The following RBFOX3 variants were observed in gnomAD, a reference collection of about 807,000 sequenced individuals.
The protein encoded by RBFOX3 is RNA binding protein fox-1 homolog 3.
A neutral mutation model predicts 48.7 loss-of-function variants in RBFOX3; 17 were observed. The ratio of observed to expected loss-of-function variants is 0.35; its 90% CI spans 0.24 to 0.52. RBFOX3 has a LOEUF of 0.52. Ranked by LOEUF, RBFOX3 falls within the 20% of genes least tolerant of loss-of-function variation. RBFOX3 has a pLI of 0.94. For synonymous variants in RBFOX3, 212 were observed against 209.5 expected (o/e 1.01, Z -0.10); for missense variants, 382 against 497.5 (o/e 0.77, Z 2.21).
intron 2 of RBFOX3, among the ~76,000 whole-genome samples, chr17:79,374,690 G>T (rs140049883): frequency 6.6e-4 from 101 of 152,344 alleles, no homozygotes; most frequent in African/African-American, 2.4e-3. Context: ...GTTTTCACAC[G>T]TGTAGGTGTG....
At chr17:79,259,383 G>A (rs186749185) in intron 3 of RBFOX3, among the ~76,000 whole-genome samples, 1,859 of 152,324 alleles carry the variant, frequency 0.012, 19 homozygotes, top group Non-Finnish European at 0.019. Flanking sequence ...CTGCCCTTCC[G>A]TGGTGAGGGC....
intron 4 of RBFOX3, among the ~76,000 whole-genome samples, chr17:79,133,867 T>A (rs1484106954): frequency 6.6e-6 from 1 of 152,182 alleles, no homozygotes; most frequent in Non-Finnish European, 1.5e-5. Flanking sequence ...GCGCTGGCTG[T>A]GAATATCGGA....
the RBFOX3 span, among the ~76,000 whole-genome samples, chr17:79,645,534 C>T: frequency 6.6e-6 from 1 of 152,182 alleles, no homozygotes; most frequent in Non-Finnish European, 1.5e-5. Context: ...GACCTCATAC[C>T]TTCCAGCTGC....
intron 1 of RBFOX3, among the ~76,000 whole-genome samples, chr17:79,584,073 G>A (rs1450695746): frequency 6.6e-6 from 1 of 152,150 alleles, no homozygotes; most frequent in African/African-American, 2.4e-5. Flanking sequence ...CAAAAGGCCT[G>A]GGGCTAAGGA....
rs1441964655 is a variant in RBFOX3 at position 79,363,585 on chromosome 17, G to T, written c.-174-55761C>A. Among the ~76,000 whole-genome samples, 3 of 151,910 alleles carry T rather than the reference G, an allele frequency of 2.0e-5. No individual in the cohort carries two copies. The highest frequency in any genetic ancestry group is 7.3e-5 in the African/African-American group (3 of 41,290). The stretch of plus-strand genomic sequence containing the variant: ...TGTTCCTGCCCAGCTTCCCTGGGGG[G>T]TCTCCGCGAGCAACATACCTCTTAC... On this transcript the variant is annotated intron_variant, in intron 2 of 14. Coordinates refer to ENST00000693108, the MANE Select transcript of RBFOX3 (RefSeq NM_001350451.2). This position sits in a 1 kb window ranked among gnomAD's most constrained non-coding sequence, Gnocchi z 4.7.
intron 4 of RBFOX3, among the ~76,000 whole-genome samples, chr17:79,201,156 T>G (rs2703530): frequency 0.063 from 9,434 of 150,814 alleles, 328 homozygotes; most frequent in Non-Finnish European, 0.076. Context: ...GATGGAGCTG[T>G]AACCAGATCC....
At chr17:79,620,137 ACG>A in the RBFOX3 span, among the ~76,000 whole-genome samples, 7 of 143,000 alleles carry the variant, frequency 4.9e-5, no homozygotes, top group East Asian at 4.1e-4. Flanking sequence ...ACACATGCAC[ACG>A]CGCACACACA....
chr17:79,236,846 A>G (rs1252710551), intron 3 of RBFOX3, among the ~76,000 whole-genome samples: 4 of 152,256 alleles, frequency 2.6e-5, no homozygotes, highest in Non-Finnish European at 5.9e-5. Context: ...TGAGGAGTTC[A>G]GAAACAAAGG....
At position 79,412,080 on chromosome 17, in the gene RBFOX3, G is replaced by A. The variant is rs530188184; in HGVS notation, c.-175+70374C>T. ...GGTATGTGTGCGTGTAGACGCATGC[G>A]TGTATATACGTATGTGGGGTGGTGT... On this transcript the variant is annotated intron_variant, in intron 2 of 14. Transcript: ENST00000693108. 1.9e-3 allele frequency among the ~76,000 whole-genome samples: 284 copies of A among 152,238 alleles called. 1 individual carries two copies. Among genetic ancestry groups the A allele is most frequent in the Middle Eastern group, 6.8e-3 (2 of 294 alleles).
chr17:79,428,259 G>A (rs117060169), intron 2 of RBFOX3, among the ~76,000 whole-genome samples: 20 of 152,314 alleles, frequency 1.3e-4, no homozygotes, highest in African/African-American at 2.2e-4. Flanking sequence ...CAGTTTCCCC[G>A]GAGCCCCTGC....
At chr17:79,339,981 G>A (rs1754894899) in intron 2 of RBFOX3, among the ~76,000 whole-genome samples, 1 of 152,160 alleles carries the variant, frequency 6.6e-6, no homozygotes, top group Non-Finnish European at 1.5e-5. Context: ...GTCTTTCAGA[G>A]TCCTGTACCC....
chr17:79,156,858 C>T (rs2045922288), intron 4 of RBFOX3, among the ~76,000 whole-genome samples: 1 of 152,196 alleles, frequency 6.6e-6, no homozygotes, highest in Non-Finnish European at 1.5e-5. Context: ...TGGCCCTTCT[C>T]AGGAGTCCCG....
In RBFOX3 at chr17:79,111,003, G is replaced by A. The variant is rs1223773329; in HGVS notation, c.223-4215C>T. Among the ~76,000 whole-genome samples the A allele has an allele frequency of 6.6e-6, 1 of 152,378 alleles. No homozygotes were observed. Among genetic ancestry groups the A allele is most frequent in the East Asian group, 1.9e-4 (1 of 5,184 alleles). ...GCCAAGAACACAGTGACCAAGGGCT[G>A]CAGCTCCTGGCTGAGGGGAGAGGGC... On this transcript the variant is annotated intron_variant, in intron 5 of 14. Transcript: ENST00000693108. The surrounding 1 kb of genome is among the most constrained non-coding windows in gnomAD (Gnocchi z 4.2).
At chr17:79,584,910 C>T (rs1445514293) in intron 1 of RBFOX3, among the ~76,000 whole-genome samples, 1 of 152,106 alleles carries the variant, frequency 6.6e-6, no homozygotes, top group Non-Finnish European at 1.5e-5. Flanking sequence ...GGACTACAGG[C>T]ACCCGCCACC....
rs1161405529 is a variant in RBFOX3, at chr17:79,205,332, C to T, written c.-34+30434G>A. On this transcript the variant is annotated intron_variant, in intron 4 of 14. Transcript: ENST00000693108. This position sits in a 1 kb window ranked among gnomAD's most constrained non-coding sequence, Gnocchi z 4.5. ...ACAGAAACCCAGGGATATATGACAT[C>T]CTGAACCACATCCATCTTACAGCAG... Among the ~76,000 whole-genome samples, 4 of 152,146 alleles carry T rather than the reference C, an allele frequency of 2.6e-5. No homozygotes were observed. Among genetic ancestry groups the T allele is most frequent in the South Asian group, 2.1e-4 (1 of 4,824 alleles).
intron 2 of RBFOX3, among the ~76,000 whole-genome samples, chr17:79,436,939 A>G (rs2148951007): frequency 6.6e-6 from 1 of 152,102 alleles, no homozygotes; most frequent in Non-Finnish European, 1.5e-5. Context: ...GGGCAGGAGG[A>G]GGGGTGCTGT....
intron 2 of RBFOX3, among the ~76,000 whole-genome samples, chr17:79,334,264 G>A (rs1231593094): frequency 6.6e-6 from 1 of 152,162 alleles, no homozygotes; most frequent in East Asian, 1.9e-4. Flanking sequence ...TGCCCCAGGT[G>A]GCTTCACTGG....
intron 2 of RBFOX3, among the ~76,000 whole-genome samples, chr17:79,369,612 C>A (rs757499474): frequency 6.6e-6 from 1 of 152,134 alleles, no homozygotes; most frequent in African/African-American, 2.4e-5. Context: ...TTGAAAGCCG[C>A]TCCCCTGCCA....
Position 79,199,345 on chromosome 17 carries a change from C to G in RBFOX3, c.-34+36421G>C, listed in dbSNP as rs1404492165. 6.6e-6 allele frequency among the ~76,000 whole-genome samples: 1 copy of G among 152,228 alleles called. No individual in the cohort carries two copies. The highest frequency in any genetic ancestry group is 2.4e-5 in the African/African-American group (1 of 41,468). On this transcript the variant is annotated intron_variant, in intron 4 of 14. Transcript: ENST00000693108. The surrounding 1 kb of genome is among the most constrained non-coding windows in gnomAD (Gnocchi z 5.1). ...ATTCATCCTGCCCTTCTTCTTCCAG[C>G]AGGTGGGAGGGTCAGACTCAGAGGA...
Sources: gnomAD v4.1 joint callset for allele counts (sites outside exome capture counted in the v4.1 genomes callset) on GRCh38, gnomAD v4.1.1 for gene constraint, Gnocchi (gnomAD v3.1) non-coding constraint, MANE v1.5 for transcripts, NCBI Gene and HGNC (gene_info 2026-07-23, HGNC 2026-07-21) for gene names.